The following FKRP variants were observed in gnomAD, a reference collection of about 807,000 sequenced individuals.
FKRP encodes fukutin related protein.
Under a neutral mutation model 30.6 loss-of-function variants are expected in FKRP, and 25 were observed. The ratio of observed to expected loss-of-function variants is 0.82; its 90% CI spans 0.60 to 1.14. The LOEUF is 1.14. FKRP is among the 50% of genes most tolerant of loss of function. The probability of loss-of-function intolerance (pLI) is 0.00; values close to 1 mark genes in which losing one functional copy is unlikely to be tolerated. For missense variants in FKRP, 771 were observed against 727.8 expected (o/e 1.06, Z -0.68); for synonymous variants, 358 against 342.5 (o/e 1.05, Z -0.50).
rs941087601 is a variant in FKRP, at chr19:46,753,537, A to G, written c.-39-1875A>G. On this transcript the variant is annotated intron_variant, in intron 3 of 3. Coordinates refer to ENST00000318584, the MANE Select transcript of FKRP (RefSeq NM_024301.5). ...TGACTTAAACATACAGGTTGGGGAA[A>G]GCATGGCAAGAGATGAGGGTGGAAT... is the stretch of plus-strand genomic sequence containing the variant. Among the ~76,000 whole-genome samples the G allele has an allele frequency of 1.1e-4, 16 of 151,474 alleles. No individual in the cohort carries two copies. In the East Asian group the frequency reaches 3.1e-3, roughly 29 times the overall value.
Position 46,757,649 on chromosome 19 carries a change from C to T in FKRP, c.*711C>T, listed in dbSNP as rs1224915714. The T allele has an allele frequency of 5.9e-6, 1 of 169,412 alleles. No homozygotes were observed. The highest frequency in any genetic ancestry group is 2.4e-5 in the African/African-American group (1 of 41,478). 10.5% of individuals were successfully genotyped at this position (169,412 alleles called of 1,614,324 possible). A position where few individuals can be genotyped will look rare whatever the true frequency, so the allele number is the denominator to read the frequency against. On this transcript the variant is annotated 3_prime_UTR_variant, in exon 4 of 4. Transcript: ENST00000318584. The stretch of plus-strand genomic sequence containing the variant: ...ACCTCCCCTTCTTTTGGACTGCGAC[C>T]TCCTTCCCTCCTGGGAGAGCCCTGT...
At chr19:46,752,892 G>T (rs930971929) in intron 3 of FKRP, among the ~76,000 whole-genome samples, 1 of 152,100 alleles carries the variant, frequency 6.6e-6, no homozygotes, top group African/African-American at 2.4e-5. Flanking sequence ...TTTTGGCTGG[G>T]TGTGGTGGCT....
rs753158217 is a variant in FKRP, at chr19:46,756,044, T to G, written c.594T>G (p.Ala198=). 3.8e-6 allele frequency: 6 copies of G among 1,578,358 alleles called. No homozygotes were observed. In the Admixed American group the frequency reaches 8.6e-5, roughly 23 times the overall value. Residue 198 remains alanine (A), a synonymous_variant, in exon 4 of 4, where the codon GCT becomes GCG. Transcript: ENST00000318584. This position sits in a 1 kb window ranked among gnomAD's most constrained non-coding sequence, Gnocchi z 6.6. ...APRCDALDGD[A]VVLLRARDLF... ...GCTGCGACGCCCTGGACGGAGATGCTGTGGTGCTCCTGCGCGCCCGCGACC... is the reference window on the plus strand; with the variant it reads ...GCTGCGACGCCCTGGACGGAGATGCGGTGGTGCTCCTGCGCGCCCGCGACC...
chr19:46,756,536 C>T lies in FKRP; in HGVS notation c.1086C>T (p.Asp362=), dbSNP rs749787381. 7 of 1,602,062 alleles carry T rather than the reference C, an allele frequency of 4.4e-6. No homozygotes were observed. The highest frequency in any genetic ancestry group is 1.3e-5 in the African/African-American group (1 of 74,984). The part of the protein sequence containing the change: ...RHGDIIPWDY[D]VDLGIYLEDV... ...GGGACATCATCCCATGGGACTACGA[C>T]GTGGACCTGGGCATCTACTTGGAGG... The change falls in exon 4 of 4, where the codon GAC becomes GAT. Residue 362 remains aspartate, a synonymous_variant. Transcript: ENST00000318584. The surrounding 1 kb of genome is among the most constrained non-coding windows in gnomAD (Gnocchi z 6.6).
rs749320485 is a variant in FKRP at position 46,756,104 on chromosome 19, G to A, written c.654G>A (p.Val218=). ...TCTCGGCGCCCCTGGCCCGGCCGGT[G>A]GGCACCAGCCTCTTTCTGCAGACCG... ...FNLSAPLARP[V]GTSLFLQTAL... is the part of the protein sequence containing the mutation. Residue 218 remains valine (V), a synonymous_variant, in exon 4 of 4, where the codon GTG becomes GTA. Coordinates refer to ENST00000318584, the MANE Select transcript of FKRP (RefSeq NM_024301.5). The surrounding 1 kb of genome is among the most constrained non-coding windows in gnomAD (Gnocchi z 6.6). 44 of 1,532,678 alleles carry A rather than the reference G, an allele frequency of 2.9e-5. No homozygotes were observed. The South Asian group carries it at 4.2e-4, about 15-fold the overall frequency. The allele number at this position is 1,532,678 out of a possible 1,614,324, so 94.9% of individuals were successfully genotyped here. A position where few individuals can be genotyped will look rare whatever the true frequency, so the allele number is the denominator to read the frequency against.
rs910845947 is a variant in FKRP, at chr19:46,758,313, A to C, written c.*1375A>C. The C allele has an allele frequency of 6.0e-6, 1 of 167,070 alleles. No individual in the cohort carries two copies. The highest frequency in any genetic ancestry group is 2.4e-5 in the African/African-American group (1 of 41,448). The allele number at this position is 167,070 out of a possible 1,614,324, so 10.3% of individuals were successfully genotyped here. A position where few individuals can be genotyped will look rare whatever the true frequency, so the allele number is the denominator to read the frequency against. The stretch of plus-strand genomic sequence containing the variant: ...GTCATGGTCCCCAAGAGGGGCTTGG[A>C]GACCCACTTAGCAGGTGAAAGCAAT... On this transcript the variant is annotated 3_prime_UTR_variant, in exon 4 of 4. Transcript: ENST00000318584.
Position 46,756,550 on chromosome 19 carries a change from T to A in FKRP, c.1100T>A (p.Ile367Asn). 6.2e-7 allele frequency: 1 copy of A among 1,606,338 alleles called. No individual in the cohort carries two copies. The highest frequency in any genetic ancestry group is 8.5e-7 in the Non-Finnish European group (1 of 1,177,486). The change falls in exon 4 of 4, where the codon ATC becomes AAC. Residue 367 changes from isoleucine (I) to asparagine (N), a missense_variant. Physicochemically the swap from Ile to Asn is moderately radical, Grantham distance 149 (BLOSUM62 -3). Transcript: ENST00000318584. This position sits in a 1 kb window ranked among gnomAD's most constrained non-coding sequence, Gnocchi z 6.6. Reference protein sequence around the residue: ...IPWDYDVDLGIYLEDVGNCEQ... With the variant: ...IPWDYDVDLGNYLEDVGNCEQ... ...TGGGACTACGACGTGGACCTGGGCA[T>A]CTACTTGGAGGACGTGGGCAACTGC...
chr19:46,754,799 T>G (rs892199837), intron 3 of FKRP, among the ~76,000 whole-genome samples: 3 of 151,892 alleles, frequency 2.0e-5, no homozygotes, highest in Non-Finnish European at 4.4e-5. Flanking sequence ...AGAGATGGGG[T>G]TTCACCGTGT....
At chr19:46,751,608 G>A (rs1175940488) in intron 3 of FKRP, among the ~76,000 whole-genome samples, 4 of 147,140 alleles carry the variant, frequency 2.7e-5, no homozygotes, top group Middle Eastern at 7.1e-3. Flanking sequence ...GCCCAGGCCG[G>A]ACTGCGGACT....
intron 3 of FKRP, among the ~76,000 whole-genome samples, chr19:46,753,140 G>A (rs1187635918): frequency 2.7e-5 from 4 of 149,346 alleles, no homozygotes; most frequent in African/African-American, 5.0e-5. Flanking sequence ...CTCCAGCCTG[G>A]CAACAGAGTG....
chr19:46,756,170 C>T lies in FKRP; in HGVS notation c.720C>T (p.Phe240=), dbSNP rs2122621942. Residue 240 remains phenylalanine (F), a synonymous_variant, in exon 4 of 4, where the codon TTC becomes TTT. Transcript: ENST00000318584. The surrounding 1 kb of genome is among the most constrained non-coding windows in gnomAD (Gnocchi z 6.6). ...GWAVQLLDLT[F]AAARQPPLAT... ...CGGTGCAGCTGCTGGACTTGACCTT[C>T]GCCGCGGCGCGCCAGCCCCCGCTGG... is the stretch of plus-strand genomic sequence containing the variant. The T allele has an allele frequency of 6.9e-7, 1 of 1,446,050 alleles. No homozygotes were observed. The highest frequency in any genetic ancestry group is 9.0e-7 in the Non-Finnish European group (1 of 1,105,772). 89.6% of individuals were successfully genotyped at this position (1,446,050 alleles called of 1,614,324 possible).
upstream of FKRP, chr19:46,745,895 C>A: frequency 2.7e-6 from 1 of 372,362 alleles, no homozygotes; most frequent in Non-Finnish European, 4.7e-6. Flanking sequence ...CTCGGCCGGT[C>A]CCGGTGATCC....
Position 46,756,646 on chromosome 19 carries a change from A to G in FKRP, c.1196A>G (p.Glu399Gly). Residue 399 changes from glutamate to glycine, a missense_variant, in exon 4 of 4, where the codon GAG becomes GGG. Transcript: ENST00000318584. The surrounding 1 kb of genome is among the most constrained non-coding windows in gnomAD (Gnocchi z 6.6). ...GGCTTCGTATGGGAGAAGGCGGTCG[A>G]GGGCGACTTTTTCCGCGTGCAGTAC... ...ERGFVWEKAVEGDFFRVQYSE... is the reference protein window; with the variant it reads ...ERGFVWEKAVGGDFFRVQYSE... The G allele has an allele frequency of 6.2e-7, 1 of 1,613,392 alleles. No individual in the cohort carries two copies. Among genetic ancestry groups the G allele is most frequent in the Non-Finnish European group, 8.5e-7 (1 of 1,179,820 alleles).
chr19:46,746,123 G>A (rs533261221), intron 1 of FKRP, 33 bp downstream of exon 1: 4 of 1,479,298 alleles, frequency 2.7e-6, no homozygotes, highest in East Asian at 3.0e-5. Flanking sequence ...CGGGTTGGGG[G>A]TCGGGGGTCC....
chr19:46,748,675 CT>C lies in FKRP; in HGVS notation c.-40+11del, dbSNP rs2054723437. 6.6e-6 allele frequency: 1 copy of C among 151,396 alleles called. No homozygotes were observed. The highest frequency in any genetic ancestry group is 2.4e-5 in the African/African-American group (1 of 41,446). 9.4% of individuals were successfully genotyped at this position (151,396 alleles called of 1,614,324 possible). ...GACTACCATTTCTAAGGCAAGCCCC[CT>C]GTTTCTACTCTTGCGCCCCCTGCTG... On this transcript the variant is annotated intron_variant, in intron 3 of 3. Transcript: ENST00000318584.
chr19:46,756,586 G>A lies in FKRP; in HGVS notation c.1136G>A (p.Arg379Gln), dbSNP rs140217866. Residue 379 changes from arginine (R) to glutamine (Q), a missense_variant, in exon 4 of 4, where the codon CGG (arginine) becomes CAG (glutamine). Arg to Gln is a conservative substitution (Grantham distance 43). Transcript: ENST00000318584. The surrounding 1 kb of genome is among the most constrained non-coding windows in gnomAD (Gnocchi z 6.6). ...LEDVGNCEQL[R>Q]GAEAGSVVDE... ...GACGTGGGCAACTGCGAGCAGCTGC[G>A]GGGGGCAGAGGCCGGCTCGGTGGTG... 141 of 1,610,288 alleles carry A rather than the reference G, an allele frequency of 8.8e-5. No individual in the cohort carries two copies. Among genetic ancestry groups the A allele is most frequent in the Non-Finnish European group, 1.1e-4 (134 of 1,178,832 alleles).
At chr19:46,748,240 C>T (rs757040985) in intron 2 of FKRP, among the ~76,000 whole-genome samples, 152 bp downstream of exon 2, 2 of 152,020 alleles carry the variant, frequency 1.3e-5, no homozygotes, top group African/African-American at 2.4e-5. Context: ...TGCAGTGGCG[C>T]GGTCATGGCT....
chr19:46,746,117 T>C (rs934736564), intron 1 of FKRP, 27 bp downstream of exon 1: 3 of 1,253,682 alleles, frequency 2.4e-6, no homozygotes, highest in Middle Eastern at 2.5e-4. Flanking sequence ...CCGGGCCGGG[T>C]TGGGGGTCGG....
chr19:46,755,578 C>G lies in FKRP; in HGVS notation c.128C>G (p.Ser43Cys), dbSNP rs1555738085. The part of the protein sequence containing the change: ...NSRARGPRRA[S>C]AAGPRVTVLV... ...CGGGCCCGGGGGCCCCGTCGTGCCTCTGCTGCCGGCCCCCGTGTCACCGTC... is the reference window on the plus strand; with the variant it reads ...CGGGCCCGGGGGCCCCGTCGTGCCTGTGCTGCCGGCCCCCGTGTCACCGTC... Residue 43 changes from serine to cysteine, a missense_variant, in exon 4 of 4, where the codon TCT (serine) becomes TGT (cysteine). Ser to Cys is a moderately radical substitution (Grantham distance 112, BLOSUM62 -1). Coordinates refer to ENST00000318584, the MANE Select transcript of FKRP (RefSeq NM_024301.5). 3 of 1,606,766 alleles carry G rather than the reference C, an allele frequency of 1.9e-6. No homozygotes were observed. Among genetic ancestry groups the G allele is most frequent in the Non-Finnish European group, 2.5e-6 (3 of 1,177,226 alleles).
Sources: gnomAD v4.1 joint callset for allele counts (sites outside exome capture counted in the v4.1 genomes callset) on GRCh38, gnomAD v4.1.1 for gene constraint, Gnocchi (gnomAD v3.1) non-coding constraint, MANE v1.5 for transcripts, NCBI Gene and HGNC (gene_info 2026-07-23, HGNC 2026-07-21) for gene names.